The following SPAG16 variants were observed in gnomAD, a reference collection of about 807,000 sequenced individuals.
SPAG16 encodes sperm-associated antigen 16 protein.
SPAG16 carries 86 observed loss-of-function variants against 80.4 expected under a neutral mutation model. That is an observed-to-expected ratio of 1.07 (90% CI 0.90 to 1.28). The LOEUF is 1.28. Ranked by LOEUF, SPAG16 falls within the 50% of genes most tolerant of loss-of-function variation. The pLI is 0.00. For synonymous variants in SPAG16, 294 were observed against 265.9 expected (o/e 1.11, Z -1.03); for missense variants, 870 against 765.3 (o/e 1.14, Z -1.61).
rs180678419 is a variant in SPAG16 at position 213,682,669 on chromosome 2, G to A, written c.1071-179816G>A. Among the ~76,000 whole-genome samples, 4 of 152,234 alleles carry A rather than the reference G, an allele frequency of 2.6e-5. No homozygotes were observed. The East Asian group carries it at 7.7e-4, about 29-fold the overall frequency. On this transcript the variant is annotated intron_variant, in intron 10 of 15. Transcript: ENST00000331683. The stretch of plus-strand genomic sequence containing the variant: ...TGGACAGAGGGTAGGTTATCTCAGG[G>A]CTGGCATGTTTCTGGTTGGAGTGGA...
intron 10 of SPAG16, among the ~76,000 whole-genome samples, chr2:213,613,060 G>A (rs1257563863): frequency 6.6e-6 from 1 of 152,040 alleles, no homozygotes; most frequent in Admixed American, 6.6e-5. Context: ...AACCTATTGG[G>A]TTTCTTCAGA....
chr2:214,052,119 ACAT>A (rs1012225925), intron 13 of SPAG16, among the ~76,000 whole-genome samples: 2 of 152,320 alleles, frequency 1.3e-5, no homozygotes, highest in Middle Eastern at 3.4e-3. Context: ...AATTATTATG[ACAT>A]CATTTTTATT....
chr2:213,298,506 A>G (rs564702226), intron 3 of SPAG16, among the ~76,000 whole-genome samples: 2 of 152,232 alleles, frequency 1.3e-5, no homozygotes, highest in Non-Finnish European at 2.9e-5. Context: ...GGTAAAGTAC[A>G]TGTGGCTAAT....
At chr2:213,680,873 C>A (rs775687637) in intron 10 of SPAG16, among the ~76,000 whole-genome samples, 1 of 152,084 alleles carries the variant, frequency 6.6e-6, no homozygotes, top group Non-Finnish European at 1.5e-5. Context: ...AGGACAACTC[C>A]AAGTTGGGGG....
intron 9 of SPAG16, among the ~76,000 whole-genome samples, chr2:213,411,043 A>C (rs339809): frequency 6.6e-6 from 1 of 152,198 alleles, no homozygotes; most frequent in Non-Finnish European, 1.5e-5. Flanking sequence ...GAGCTTATCA[A>C]TCAGTTAGCC....
intron 10 of SPAG16, among the ~76,000 whole-genome samples, chr2:213,748,581 GTTTATT>G (rs1206238296): frequency 6.6e-6 from 1 of 151,958 alleles, no homozygotes; most frequent in Non-Finnish European, 1.5e-5. Flanking sequence ...TGTTTACTGT[GTTTATT>G]TTTATGTATA....
At chr2:213,871,986 A>T (rs72941195) in intron 11 of SPAG16, among the ~76,000 whole-genome samples, 2 of 151,766 alleles carry the variant, frequency 1.3e-5, no homozygotes, top group Admixed American at 6.6e-5. Flanking sequence ...AAACAATGTC[A>T]AAAAATAGAA....
intron 11 of SPAG16, among the ~76,000 whole-genome samples, chr2:213,876,320 AGAAG>A (rs1559544674): frequency 3.2e-5 from 1 of 31,328 alleles, no homozygotes; most frequent in African/African-American, 5.8e-5. Context: ...AAAAAAAAAA[AGAAG>A]AAGAAAAGAA....
intron 3 of SPAG16, among the ~76,000 whole-genome samples, chr2:213,305,805 G>A (rs2062918097): frequency 6.6e-6 from 1 of 152,000 alleles, no homozygotes; most frequent in South Asian, 2.1e-4. Flanking sequence ...AGGAATATTG[G>A]CCTTTTAACA....
chr2:213,929,577 T>G (rs946512440), intron 11 of SPAG16, among the ~76,000 whole-genome samples: 4 of 152,216 alleles, frequency 2.6e-5, no homozygotes, highest in African/African-American at 9.6e-5. Context: ...TTGTATTATG[T>G]TTTTGAAACT....
At chr2:213,410,897 C>A (rs2068931278) in intron 9 of SPAG16, among the ~76,000 whole-genome samples, 2 of 152,224 alleles carry the variant, frequency 1.3e-5, no homozygotes, top group South Asian at 4.1e-4. Flanking sequence ...AAGTCCGGCA[C>A]CCTGCGGGTC....
At chr2:213,640,445 G>C (rs1336804266) in intron 10 of SPAG16, among the ~76,000 whole-genome samples, 1 of 152,200 alleles carries the variant, frequency 6.6e-6, no homozygotes, top group Admixed American at 6.5e-5. Context: ...GTGCTCCCTT[G>C]ATGTGGTGTT....
At chr2:213,664,817 G>C (rs190042055) in intron 10 of SPAG16, among the ~76,000 whole-genome samples, 1 of 143,936 alleles carries the variant, frequency 6.9e-6, no homozygotes, top group Non-Finnish European at 1.5e-5. Context: ...GTGTGTGTCT[G>C]TATGCATGCA....
In SPAG16 at chr2:213,820,276, C is replaced by T. The variant is rs777222346; in HGVS notation, c.1071-42209C>T. On this transcript the variant is annotated intron_variant, in intron 10 of 15. Coordinates refer to ENST00000331683, the MANE Select transcript of SPAG16 (RefSeq NM_024532.5). ...TTTTTGCAGAGATTGGGTTTTGCCA[C>T]GTTGCCCATAAATAGATATCAATGC... Among the ~76,000 whole-genome samples, 4 of 152,112 alleles carry T rather than the reference C, an allele frequency of 2.6e-5. No homozygotes were observed. The South Asian group carries it at 6.2e-4, about 24-fold the overall frequency.
At chr2:213,640,737 A>G (rs1343051665) in intron 10 of SPAG16, among the ~76,000 whole-genome samples, 3 of 152,212 alleles carry the variant, frequency 2.0e-5, no homozygotes, top group African/African-American at 4.8e-5. Context: ...TGCTAGCAGT[A>G]AAGTTGTCAT....
At chr2:213,318,612 T>C (rs1400730340) in intron 5 of SPAG16, among the ~76,000 whole-genome samples, 1 of 151,852 alleles carries the variant, frequency 6.6e-6, no homozygotes, top group South Asian at 2.1e-4. Flanking sequence ...GTAAAACAAC[T>C]GCACTTTTAC....
At chr2:213,498,045 G>A (rs2074572403) in intron 10 of SPAG16, among the ~76,000 whole-genome samples, 1 of 152,078 alleles carries the variant, frequency 6.6e-6, no homozygotes, top group Non-Finnish European at 1.5e-5. Flanking sequence ...TTTAGAACAA[G>A]TACCAATATA....
At position 214,222,318 on chromosome 2, in the gene SPAG16, T is replaced by C. The variant is rs567839693; in HGVS notation, c.1720+73052T>C. Among the ~76,000 whole-genome samples, 4 of 152,186 alleles carry C rather than the reference T, an allele frequency of 2.6e-5. No homozygotes were observed. The East Asian group carries it at 7.8e-4, about 30-fold the overall frequency. On this transcript the variant is annotated intron_variant, in intron 15 of 15. Transcript: ENST00000331683. ...TTTTAGTAGAGATGGGGTTTCACCA[T>C]GTTGGCCAGCCTGGTCTTGAACTCC... is the stretch of plus-strand genomic sequence containing the variant.
intron 10 of SPAG16, among the ~76,000 whole-genome samples, chr2:213,531,914 TATGTAC>T (rs908749828): frequency 5.3e-5 from 8 of 152,194 alleles, no homozygotes; most frequent in Admixed American, 4.6e-4. Flanking sequence ...CTTTGGGAGC[TATGTAC>T]ATTGTATCTT....
Sources: allele counts gnomAD v4.1 joint callset (sites outside exome capture counted in the v4.1 genomes callset), GRCh38; gene constraint gnomAD v4.1.1; transcripts MANE v1.5; gene names NCBI Gene and HGNC (gene_info 2026-07-23, HGNC 2026-07-21).